Variants in ITPA observed in about 807,000 individuals in gnomAD.
ITPA encodes inosine triphosphate pyrophosphatase.
In ITPA, 29 loss-of-function variants were observed where a neutral mutation model predicts 29.6. That is an observed-to-expected ratio of 0.98 (90% CI 0.73 to 1.34). The LOEUF (loss-of-function observed/expected upper bound fraction) is 1.34, where lower values mean the gene tolerates loss of function less well. Ranked by LOEUF, ITPA falls within the 40% of genes most tolerant of loss-of-function variation. The pLI is 0.00. For synonymous variants in ITPA, 103 were observed against 99.3 expected, an observed-to-expected ratio of 1.04 and a Z score of -0.22; for missense variants, 241 against 251.5, an observed-to-expected ratio of 0.96 and a Z score of 0.28.
upstream of ITPA, among the ~76,000 whole-genome samples, chr20:3,207,800 G>T (rs571398857): frequency 6.6e-6 from 1 of 152,046 alleles, no homozygotes; most frequent in South Asian, 2.1e-4. Flanking sequence ...TTCGAGACCA[G>T]CCTGGCCAAC....
chr20:3,206,828 CAAA>C (rs1338065685), upstream of ITPA, among the ~76,000 whole-genome samples: 5 of 83,814 alleles, frequency 6.0e-5, no homozygotes, highest in Non-Finnish European at 5.0e-5. Context: ...GAGACTGTCT[CAAA>C]AAAAAAAAAA....
intron 1 of ITPA, among the ~76,000 whole-genome samples, chr20:3,210,451 T>A (rs1006521892): frequency 6.6e-6 from 1 of 152,162 alleles, no homozygotes; most frequent in African/African-American, 2.4e-5. Flanking sequence ...CCCTGTTCAA[T>A]CAGCCATAGC....
chr20:3,223,652 C>G lies in ITPA; in HGVS notation c.*190C>G, dbSNP rs2067525526. The G allele has an allele frequency of 1.6e-6, 1 of 624,624 alleles. No individual in the cohort carries two copies. 38.7% of individuals were successfully genotyped at this position (624,624 alleles called of 1,614,324 possible). A position where few individuals can be genotyped will look rare whatever the true frequency, so the allele number is the denominator to read the frequency against. Reference sequence around the variant, plus strand: ...TCTGAGAAACTCTGGCAAGTGGACGCCATTCTCTTGCCCTTAGGATTCACT... The same window carrying G: ...TCTGAGAAACTCTGGCAAGTGGACGGCATTCTCTTGCCCTTAGGATTCACT... On this transcript the variant is annotated 3_prime_UTR_variant, in exon 8 of 8. Transcript: ENST00000380113.
chr20:3,214,670 C>T (rs570071802), intron 4 of ITPA, among the ~76,000 whole-genome samples: 2 of 152,078 alleles, frequency 1.3e-5, no homozygotes, highest in Non-Finnish European at 2.9e-5. Flanking sequence ...AGCTCTGCCT[C>T]CCGGGTTCAC....
Position 3,216,059 on chromosome 20 carries a change from C to T in ITPA, c.295+747C>T, listed in dbSNP as rs569855640. Among the ~76,000 whole-genome samples, 9 of 152,066 alleles carry T rather than the reference C, an allele frequency of 5.9e-5. No homozygotes were observed. The East Asian group carries it at 9.7e-4, about 16-fold the overall frequency. On this transcript the variant is annotated intron_variant, in intron 5 of 7. Transcript: ENST00000380113. ...AGGCTGGGGTGCAGTGCGTCAATCT[C>T]GGCTCACTGCAACCTCTGCCTCCCT...
At chr20:3,223,308 A>G in intron 7 of ITPA, 58 bp from the exon 8 acceptor site, 1 of 1,282,924 alleles carries the variant, frequency 7.8e-7, no homozygotes, top group Non-Finnish European at 1.1e-6. Flanking sequence ...TAGGGTTGGG[A>G]GGGGGTGCAC....
intron 1 of ITPA, among the ~76,000 whole-genome samples, chr20:3,211,893 G>A (rs1055570720): frequency 6.6e-6 from 1 of 152,186 alleles, no homozygotes; most frequent in African/African-American, 2.4e-5. Context: ...AAAATACATG[G>A]TATTATAGGC....
At chr20:3,226,592 T>C (rs1356599003), downstream of ITPA, among the ~76,000 whole-genome samples, 2 of 152,326 alleles carry the variant, frequency 1.3e-5, no homozygotes, top group Middle Eastern at 3.4e-3. The surrounding 1 kb of genome is among the most constrained non-coding windows in gnomAD (Gnocchi z 4.4). Flanking sequence ...GCCTCCTTCT[T>C]CCCCTGTTCA....
intron 7 of ITPA, 31 bp downstream of exon 7, chr20:3,221,948 G>A (rs374972157): frequency 1.2e-5 from 19 of 1,603,630 alleles, no homozygotes; most frequent in African/African-American, 6.7e-5. Context: ...TCCCTGGGGT[G>A]TGGGGTTGGT....
downstream of ITPA, among the ~76,000 whole-genome samples, chr20:3,225,212 A>T (rs1388050713): frequency 1.3e-5 from 2 of 152,136 alleles, no homozygotes; most frequent in Admixed American, 1.3e-4. Flanking sequence ...CATTAAAAAA[A>T]ACATGTGTAT....
intron 4 of ITPA, 119 bp downstream of exon 4, chr20:3,214,177 G>A (rs1280475625): frequency 1.8e-5 from 16 of 881,794 alleles, no homozygotes; most frequent in East Asian, 1.0e-4. Flanking sequence ...AGCCTTTCAC[G>A]TTGTCCCGAG....
upstream of ITPA, among the ~76,000 whole-genome samples, chr20:3,207,154 C>G (rs1018653899): frequency 2.6e-5 from 4 of 152,160 alleles, no homozygotes; most frequent in African/African-American, 4.8e-5. Context: ...TACAGTGGCA[C>G]TCTTGGCTCA....
upstream of ITPA, among the ~76,000 whole-genome samples, chr20:3,205,598 G>GA (rs1381310887): frequency 6.6e-6 from 1 of 152,108 alleles, no homozygotes; most frequent in African/African-American, 2.4e-5. Flanking sequence ...TACTTGGGAA[G>GA]ATGAGGTGGG....
Position 3,213,309 on chromosome 20 carries a change from C to T in ITPA, c.125-10C>T. ...GACCTGACTTTCTGTGTGTCTGTTT[C>T]CCTGATAAGTGCCGGAGTACCAGGG... On this transcript the variant is annotated splice_polypyrimidine_tract_variant and intron_variant, in intron 2 of 7. Coordinates refer to ENST00000380113, the MANE Select transcript of ITPA (RefSeq NM_033453.4). 1.2e-6 allele frequency: 2 copies of T among 1,614,104 alleles called. No homozygotes were observed. Among genetic ancestry groups the T allele is most frequent in the South Asian group, 1.1e-5 (1 of 91,078 alleles).
chr20:3,215,575 T>C (rs1386907833), intron 5 of ITPA, among the ~76,000 whole-genome samples: 3 of 152,216 alleles, frequency 2.0e-5, no homozygotes, highest in Non-Finnish European at 4.4e-5. Context: ...ACTTGGCCCT[T>C]GTGACTGCCT....
chr20:3,219,874 C>T (rs1430050287), intron 6 of ITPA, among the ~76,000 whole-genome samples: 5 of 151,738 alleles, frequency 3.3e-5, no homozygotes, highest in Non-Finnish European at 5.9e-5. Flanking sequence ...TAGCCAGACC[C>T]TGTCTCAAAA....
chr20:3,214,741 G>T (rs933930735), intron 4 of ITPA, among the ~76,000 whole-genome samples: 1 of 151,674 alleles, frequency 6.6e-6, no homozygotes, highest in South Asian at 2.1e-4. Context: ...CACCACACCT[G>T]GCTAATTTTT....
At chr20:3,207,021 AT>A (rs1176678859), upstream of ITPA, among the ~76,000 whole-genome samples, 1 of 151,956 alleles carries the variant, frequency 6.6e-6, no homozygotes, top group East Asian at 1.9e-4. Context: ...CTCAAAAAAA[AT>A]AAATAAATAA....
chr20:3,221,815 C>A, intron 6 of ITPA, 26 bp from the exon 7 acceptor site: 1 of 1,612,120 alleles, frequency 6.2e-7, no homozygotes, highest in South Asian at 1.1e-5. Context: ...CCCAGTTACA[C>A]ACCTGTCCCC....
Sources: gnomAD v4.1 joint callset for allele counts (sites outside exome capture counted in the v4.1 genomes callset) on GRCh38, gnomAD v4.1.1 for gene constraint, Gnocchi (gnomAD v3.1) non-coding constraint, MANE v1.5 for transcripts, NCBI Gene and HGNC (gene_info 2026-07-23, HGNC 2026-07-21) for gene names.